Variants in RAPGEF2 observed in about 807,000 individuals in gnomAD.
RAPGEF2 encodes PDZ domain containing guanine nucleotide exchange factor (GEF) 1.
In RAPGEF2, 54 loss-of-function variants were observed where a neutral mutation model predicts 186.7. The ratio of observed to expected loss-of-function variants is 0.29; its 90% CI spans 0.23 to 0.36. The LOEUF (loss-of-function observed/expected upper bound fraction) is 0.36, where lower values mean the gene tolerates loss of function less well. Ranked by LOEUF, RAPGEF2 falls within the 10% of genes least tolerant of loss-of-function variation. The probability of loss-of-function intolerance (pLI) is 1.00; values close to 1 mark genes in which losing one functional copy is unlikely to be tolerated. For missense variants in RAPGEF2, 1,532 were observed against 2,045.0 expected, an observed-to-expected ratio of 0.75 and a Z score of 4.84; for synonymous variants, 712 against 705.9, an observed-to-expected ratio of 1.01 and a Z score of -0.14.
chr4:159,332,031 T>A lies in RAPGEF2; in HGVS notation c.1885T>A (p.Phe629Ile). The change falls in exon 16 of 30, where the codon TTT becomes ATT. Residue 629 changes from phenylalanine (F) to isoleucine (I), a missense_variant. Physicochemically the swap from Phe to Ile is conservative, Grantham distance 21. Coordinates refer to ENST00000691494, the MANE Select transcript of RAPGEF2 (RefSeq NM_001394067.2). ...ATCTATCACTGTGAAAACCAATTTA[T>A]TTGGTAAGTATTTTGCATACTTTTC... ...HLSITVKTNL[F>I]VFKELLTRLS... The A allele has an allele frequency of 6.4e-7, 1 of 1,570,552 alleles. No homozygotes were observed.
At chr4:159,177,422 G>A (rs1746549264) in intron 1 of RAPGEF2, among the ~76,000 whole-genome samples, 1 of 152,086 alleles carries the variant, frequency 6.6e-6, no homozygotes, top group Admixed American at 6.5e-5. Context: ...CTGAAACTAT[G>A]TGTAATTTCA....
At chr4:159,349,772 G>A (rs1175064242) in intron 25 of RAPGEF2, among the ~76,000 whole-genome samples, 1 of 152,176 alleles carries the variant, frequency 6.6e-6, no homozygotes. Context: ...ATGTCTAGCT[G>A]TGCCACTTCC....
At chr4:159,257,596 T>C (rs374976515) in intron 7 of RAPGEF2, among the ~76,000 whole-genome samples, 79 of 152,194 alleles carry the variant, frequency 5.2e-4, no homozygotes, top group African/African-American at 1.7e-3. Flanking sequence ...CTATCTTGAG[T>C]TAATTTTTGT....
At chr4:159,255,260 G>A (rs1389242349) in intron 7 of RAPGEF2, among the ~76,000 whole-genome samples, 1 of 152,100 alleles carries the variant, frequency 6.6e-6, no homozygotes, top group African/African-American at 2.4e-5. Context: ...CTGTCGTTAT[G>A]ATGTGTGGCC....
At chr4:159,198,284 T>TTC (rs1318111209) in intron 3 of RAPGEF2, among the ~76,000 whole-genome samples, 2 of 11,470 alleles carry the variant, frequency 1.7e-4, no homozygotes, top group South Asian at 0.012. Context: ...CTTTCTTTCT[T>TTC]TCTTTCTTTC....
chr4:159,314,857 G>T (rs1402198074), intron 9 of RAPGEF2, 89 bp downstream of exon 9: 1 of 1,221,768 alleles, frequency 8.2e-7, no homozygotes, highest in Non-Finnish European at 1.1e-6. Context: ...AGACTAGTAG[G>T]CTTTAAAAAC....
At chr4:159,251,858 G>A (rs1001556890) in intron 7 of RAPGEF2, among the ~76,000 whole-genome samples, 9 of 151,670 alleles carry the variant, frequency 5.9e-5, no homozygotes, top group Admixed American at 1.3e-4. Context: ...TTGCCGCCGC[G>A]ATCTGCTTGG....
chr4:159,106,629 A>G (rs1048616222), intron 1 of RAPGEF2, among the ~76,000 whole-genome samples: 2 of 152,232 alleles, frequency 1.3e-5, no homozygotes, highest in Non-Finnish European at 2.9e-5. Flanking sequence ...GTTTCTGAGG[A>G]TAGACTCGAT....
chr4:159,164,066 G>A (rs1016156594), intron 1 of RAPGEF2, among the ~76,000 whole-genome samples: 7 of 151,596 alleles, frequency 4.6e-5, no homozygotes, highest in Admixed American at 6.6e-5. Context: ...GTGCAGTGGC[G>A]CAATCTCAGC....
chr4:159,290,328 GC>G (rs1761037882), intron 7 of RAPGEF2, among the ~76,000 whole-genome samples: 1 of 152,164 alleles, frequency 6.6e-6, no homozygotes, highest in Non-Finnish European at 1.5e-5. Flanking sequence ...AAGTATTCCT[GC>G]TTTTGTGTAT....
At position 159,352,745 on chromosome 4, in the gene RAPGEF2, T is replaced by G; in HGVS notation, c.3926T>G (p.Ile1309Ser). 1.2e-6 allele frequency: 2 copies of G among 1,614,240 alleles called. No individual in the cohort carries two copies. Among genetic ancestry groups the G allele is most frequent in the Non-Finnish European group, 1.7e-6 (2 of 1,180,044 alleles). Residue 1309 changes from isoleucine to serine, a missense_variant, in exon 27 of 30, where the codon ATT becomes AGT. Transcript: ENST00000691494. The part of the protein sequence containing the change: ...DNFSDSGHSE[I>S]SSRSSIVSNS... ...TTTTCAGATTCTGGTCACAGTGAAA[T>G]TTCTTCACGATCCAGTATTGTTAGC...
chr4:159,322,396 A>T lies in RAPGEF2; in HGVS notation c.903A>T (p.Thr301=), dbSNP rs769274971. 6.2e-7 allele frequency: 1 copy of T among 1,614,000 alleles called. No individual in the cohort carries two copies. The highest frequency in any genetic ancestry group is 8.5e-7 in the Non-Finnish European group (1 of 1,179,924). The change falls in exon 10 of 30, where the codon ACA becomes ACT. Residue 301 remains threonine (T), a synonymous_variant. Transcript: ENST00000691494. ...MHQLPAFANM[T]MSVRRELCAV... is the part of the protein sequence containing the mutation. ...AGTTGCCTGCTTTTGCCAATATGAC[A>T]ATGTCAGTGAGGCGAGAACTCTGTG...
At chr4:159,231,447 A>G (rs1260836369) in intron 4 of RAPGEF2, among the ~76,000 whole-genome samples, 1 of 152,094 alleles carries the variant, frequency 6.6e-6, no homozygotes, top group African/African-American at 2.4e-5. Flanking sequence ...AAATTTAAAC[A>G]AAAGTTTCTC....
intron 7 of RAPGEF2, chr4:159,282,781 C>T (rs1759901615): frequency 5.9e-6 from 2 of 338,600 alleles, no homozygotes; most frequent in South Asian, 2.4e-5. Flanking sequence ...TTTAAATATG[C>T]CATTATACAT....
chr4:159,133,965 C>T (rs1455199504), intron 1 of RAPGEF2, among the ~76,000 whole-genome samples: 7 of 152,040 alleles, frequency 4.6e-5, no homozygotes, highest in South Asian at 4.1e-4. Context: ...GTGATCCACC[C>T]GCCTGGACCT....
chr4:159,282,369 T>C (rs1336148120), intron 7 of RAPGEF2: 9 of 183,042 alleles, frequency 4.9e-5, no homozygotes, highest in African/African-American at 2.2e-4. Context: ...ATTTCTATTA[T>C]TTTTTCCCTA....
intron 23 of RAPGEF2, 151 bp from the exon 24 acceptor site, chr4:159,344,955 T>C: frequency 1.6e-6 from 1 of 615,170 alleles, no homozygotes; most frequent in Non-Finnish European, 2.8e-6. Flanking sequence ...AAAATCTGTA[T>C]TATTCTATAT....
At chr4:159,333,635 T>TA (rs1244884893) in intron 17 of RAPGEF2, among the ~76,000 whole-genome samples, 1 of 152,230 alleles carries the variant, frequency 6.6e-6, no homozygotes, top group Non-Finnish European at 1.5e-5. Context: ...AAATTGCAGG[T>TA]ATTTCTGATG....
At chr4:159,238,094 C>T (rs1345067490) in intron 4 of RAPGEF2, among the ~76,000 whole-genome samples, 3 of 151,808 alleles carry the variant, frequency 2.0e-5, no homozygotes, top group African/African-American at 4.8e-5. Flanking sequence ...AAGAGCTTCA[C>T]CCAAATTCTC....
Sources: allele counts gnomAD v4.1 joint callset (sites outside exome capture counted in the v4.1 genomes callset), GRCh38; gene constraint gnomAD v4.1.1; transcripts MANE v1.5; gene names NCBI Gene and HGNC (gene_info 2026-07-23, HGNC 2026-07-21).